TMEM178A: variants seen among roughly 807,000 people sequenced by gnomAD.
The protein encoded by TMEM178A is transmembrane protein 178.
In TMEM178A, 12 loss-of-function variants were observed where a neutral mutation model predicts 29.1. That is an observed-to-expected ratio of 0.41 (90% CI 0.26 to 0.67). The LOEUF is 0.67. Ranked by LOEUF, TMEM178A falls within the 30% of genes least tolerant of loss-of-function variation. The pLI is 0.29. For missense variants in TMEM178A, 366 were observed against 419.1 expected (o/e 0.87, Z 1.11); for synonymous variants, 210 against 187.2 (o/e 1.12, Z -0.99).
chr2:39,721,782 C>T (rs1672710571), downstream of TMEM178A, among the ~76,000 whole-genome samples: 1 of 151,880 alleles, frequency 6.6e-6, no homozygotes, highest in Non-Finnish European at 1.5e-5. Flanking sequence ...TCTCTTGAGT[C>T]CAGGTATTCA....
At chr2:39,696,002 C>A (rs1239856765) in intron 1 of TMEM178A, among the ~76,000 whole-genome samples, 2 of 151,928 alleles carry the variant, frequency 1.3e-5, no homozygotes, top group African/African-American at 2.4e-5. Context: ...CAATTTAAAG[C>A]CACATATTAA....
the TMEM178A span, among the ~76,000 whole-genome samples, chr2:39,729,696 T>C: frequency 0.62 from 94,220 of 152,058 alleles, 31,037 homozygotes; most frequent in East Asian, 0.84. Flanking sequence ...TTCCATCTGA[T>C]ATTCTGTAAG....
chr2:39,672,461 A>G (rs546274829), intron 1 of TMEM178A, among the ~76,000 whole-genome samples: 118 of 152,306 alleles, frequency 7.7e-4, no homozygotes, highest in Non-Finnish European at 1.2e-3. Flanking sequence ...TCTTCTTCAG[A>G]TAGCAAAAAG....
At chr2:39,693,033 G>C (rs1467443450) in intron 1 of TMEM178A, among the ~76,000 whole-genome samples, 2 of 152,172 alleles carry the variant, frequency 1.3e-5, no homozygotes, top group Non-Finnish European at 2.9e-5. Context: ...AGAATGGCTT[G>C]AACCCGGGAG....
At chr2:39,684,226 A>G (rs1272537129) in intron 1 of TMEM178A, among the ~76,000 whole-genome samples, 1 of 152,156 alleles carries the variant, frequency 6.6e-6, no homozygotes, top group African/African-American at 2.4e-5. Context: ...CAAAATGTAA[A>G]TTATTGCTAT....
intron 1 of TMEM178A, among the ~76,000 whole-genome samples, chr2:39,678,220 A>T (rs929851488): frequency 6.6e-6 from 1 of 152,216 alleles, no homozygotes; most frequent in Non-Finnish European, 1.5e-5. Context: ...CAGCAATTCC[A>T]CTAGTAGGTA....
downstream of TMEM178A, among the ~76,000 whole-genome samples, chr2:39,718,227 TCTCTTC>T (rs1362934511): frequency 2.0e-5 from 3 of 152,126 alleles, no homozygotes; most frequent in Non-Finnish European, 4.4e-5. Context: ...TTTTCCCCTC[TCTCTTC>T]CTCTTCCTCC....
Position 39,666,377 on chromosome 2 carries a change from G to T in TMEM178A, c.400+3G>T. 1 of 1,371,076 alleles carries T rather than the reference G, an allele frequency of 7.3e-7. No individual in the cohort carries two copies. The highest frequency in any genetic ancestry group is 9.5e-7 in the Non-Finnish European group (1 of 1,056,900). 84.9% of individuals were successfully genotyped at this position (1,371,076 alleles called of 1,614,324 possible). A position where few individuals can be genotyped will look rare whatever the true frequency, so the allele number is the denominator to read the frequency against. ...CATCGACACCCTCATCCTGAAAGGT[G>T]AGCGGCGGGCGCACCCCGCGTCCCC... On this transcript the variant is annotated splice_donor_region_variant and intron_variant, in intron 1 of 3. Coordinates refer to ENST00000281961, the MANE Select transcript of TMEM178A (RefSeq NM_152390.3).
chr2:39,682,989 T>C (rs1670933123), intron 1 of TMEM178A, among the ~76,000 whole-genome samples: 1 of 152,132 alleles, frequency 6.6e-6, no homozygotes, highest in South Asian at 2.1e-4. Context: ...ATAAAGCAGA[T>C]ACAGGGGGAT....
intron 1 of TMEM178A, among the ~76,000 whole-genome samples, chr2:39,667,336 T>A (rs1183837616): frequency 3.0e-5 from 1 of 33,578 alleles, no homozygotes; most frequent in Non-Finnish European, 4.6e-5. Context: ...GATAGTTTGA[T>A]TTTTTTTTTT....
At chr2:39,712,365 C>T (rs939042951) in intron 3 of TMEM178A, among the ~76,000 whole-genome samples, 7 of 151,926 alleles carry the variant, frequency 4.6e-5, no homozygotes, top group South Asian at 4.2e-4. Context: ...GAGTGGGCCC[C>T]GTTACCCTAA....
At chr2:39,685,995 G>A (rs1671061597) in intron 1 of TMEM178A, among the ~76,000 whole-genome samples, 1 of 152,234 alleles carries the variant, frequency 6.6e-6, no homozygotes, top group Non-Finnish European at 1.5e-5. Context: ...CCAGAAGCAG[G>A]GAGCGCTGAA....
chr2:39,685,840 TA>T (rs1671052970), intron 1 of TMEM178A, among the ~76,000 whole-genome samples: 1 of 152,200 alleles, frequency 6.6e-6, no homozygotes, highest in Non-Finnish European at 1.5e-5. Context: ...GGAGGCTGTG[TA>T]GAATGAAGAA....
the TMEM178A span, among the ~76,000 whole-genome samples, chr2:39,734,127 C>G: frequency 2.0e-5 from 3 of 152,300 alleles, no homozygotes; most frequent in South Asian, 6.2e-4. Flanking sequence ...TGCTCACTAT[C>G]TCCAGCTCTT....
downstream of TMEM178A, among the ~76,000 whole-genome samples, chr2:39,719,505 C>T (rs545704479): frequency 4.8e-4 from 73 of 152,322 alleles, no homozygotes; most frequent in African/African-American, 1.7e-3. Context: ...AAGCAACCAA[C>T]GTGCCAGGCC....
the TMEM178A span, among the ~76,000 whole-genome samples, chr2:39,723,258 A>G: frequency 6.6e-6 from 1 of 152,346 alleles, no homozygotes; most frequent in East Asian, 1.9e-4. Context: ...CCCCACAGGT[A>G]AAACACATTG....
intron 3 of TMEM178A, among the ~76,000 whole-genome samples, chr2:39,712,041 T>TTTTGTGTG (rs1553350720): frequency 2.2e-5 from 3 of 139,252 alleles, no homozygotes; most frequent in Admixed American, 7.3e-5. Context: ...GAATTGCATT[T>TTTTGTGTG]TGTGTGTGTG....
downstream of TMEM178A, among the ~76,000 whole-genome samples, chr2:39,721,009 C>T (rs1037222550): frequency 3.3e-5 from 5 of 152,198 alleles, no homozygotes; most frequent in Admixed American, 1.3e-4. Flanking sequence ...CAATTTAAAG[C>T]GTTCTCATTT....
At chr2:39,700,605 T>C (rs1671739645) in intron 1 of TMEM178A, among the ~76,000 whole-genome samples, 1 of 152,016 alleles carries the variant, frequency 6.6e-6, no homozygotes, top group South Asian at 2.1e-4. Flanking sequence ...TTGGATTATG[T>C]TGTTTTATCT....
Sources: allele counts gnomAD v4.1 joint callset (sites outside exome capture counted in the v4.1 genomes callset), GRCh38; gene constraint gnomAD v4.1.1; transcripts MANE v1.5; gene names NCBI Gene and HGNC (gene_info 2026-07-23, HGNC 2026-07-21).